The following CCDC91 variants were observed in gnomAD, a reference collection of about 807,000 sequenced individuals.
CCDC91 encodes the protein coiled-coil domain containing 91, also known as coiled-coil domain-containing protein 91.
Under a neutral mutation model 63.2 loss-of-function variants are expected in CCDC91, and 48 were observed. That is an observed-to-expected ratio of 0.76 (90% confidence interval 0.60 to 0.97). CCDC91 has a LOEUF of 0.97. Among genes scored for constraint, CCDC91 ranks in the 50% least tolerant of loss-of-function variants. CCDC91 has a pLI of 0.00. For missense variants in CCDC91, 500 were observed against 494.6 expected, an observed-to-expected ratio of 1.01 and a Z score of -0.10; for synonymous variants, 167 against 165.8, an observed-to-expected ratio of 1.01 and a Z score of -0.06.
intron 7 of CCDC91, among the ~76,000 whole-genome samples, chr12:28,375,675 T>C (rs1246184384): frequency 6.6e-6 from 1 of 152,074 alleles, no homozygotes; most frequent in South Asian, 2.1e-4. Flanking sequence ...GTAAAATTAA[T>C]GTACATCTTG....
intron 8 of CCDC91, among the ~76,000 whole-genome samples, chr12:28,429,962 G>T (rs1948542037): frequency 6.6e-6 from 1 of 151,928 alleles, no homozygotes; most frequent in Admixed American, 6.6e-5. Flanking sequence ...GTGATTTTGA[G>T]TCACTTCATT....
intron 1 of CCDC91, among the ~76,000 whole-genome samples, chr12:28,201,111 G>A (rs2596552): frequency 8.7e-5 from 13 of 149,468 alleles, no homozygotes; most frequent in Middle Eastern, 3.5e-3. Flanking sequence ...CGGACGGGGC[G>A]GCTGGCCGGG....
chr12:28,541,139 A>G (rs1383694518), intron 12 of CCDC91, among the ~76,000 whole-genome samples: 1 of 152,140 alleles, frequency 6.6e-6, no homozygotes, highest in Non-Finnish European at 1.5e-5. Flanking sequence ...AGGTTTTGGG[A>G]TGCTTTGTTG....
In CCDC91 at chr12:28,493,747, A is replaced by C. The variant is rs539527292; in HGVS notation, c.1215+9582A>C. ...AACTAAAATAATAATAAAATACTGA[A>C]GGTATCTCTTATAAAAACAAAAATG... On this transcript the variant is annotated intron_variant, in intron 12 of 12. Coordinates refer to ENST00000536442, the MANE Select transcript of CCDC91 (RefSeq NM_018318.5). 2.0e-5 allele frequency among the ~76,000 whole-genome samples: 3 copies of C among 151,848 alleles called. No individual in the cohort carries two copies. The East Asian group carries it at 5.8e-4, about 29-fold the overall frequency.
At chr12:28,269,310 T>A (rs1355377578) in intron 3 of CCDC91, among the ~76,000 whole-genome samples, 1 of 152,074 alleles carries the variant, frequency 6.6e-6, no homozygotes, top group East Asian at 1.9e-4. Flanking sequence ...GTACCATGAT[T>A]TCTTGAGATT....
chr12:28,267,453 T>C (rs1947265231), intron 3 of CCDC91, among the ~76,000 whole-genome samples: 1 of 150,938 alleles, frequency 6.6e-6, no homozygotes, highest in African/African-American at 2.4e-5. Context: ...AGACCTGTAG[T>C]GAATATTCTT....
chr12:28,418,012 A>G (rs984654209), intron 8 of CCDC91, among the ~76,000 whole-genome samples: 4 of 152,140 alleles, frequency 2.6e-5, no homozygotes, highest in Non-Finnish European at 4.4e-5. Context: ...TTATGAATAA[A>G]TCTGCAATAA....
At chr12:28,484,348 C>A in intron 12 of CCDC91, 183 bp downstream of exon 12, 1 of 321,176 alleles carries the variant, frequency 3.1e-6, no homozygotes, top group Non-Finnish European at 5.7e-6. Context: ...AACATAAATC[C>A]CATCTGTCAG....
At chr12:28,292,145 A>C (rs1949288969) in intron 3 of CCDC91, among the ~76,000 whole-genome samples, 1 of 152,248 alleles carries the variant, frequency 6.6e-6, no homozygotes, top group African/African-American at 2.4e-5. Flanking sequence ...AATAAACAGC[A>C]GGTAATATGT....
chr12:28,254,771 GCTT>G (rs1946334080), intron 1 of CCDC91, among the ~76,000 whole-genome samples: 1 of 124,238 alleles, frequency 8.0e-6, no homozygotes. Context: ...AGTATCATCT[GCTT>G]TTTTTTTTTT....
intron 8 of CCDC91, among the ~76,000 whole-genome samples, chr12:28,408,550 A>G (rs1947114640): frequency 6.6e-6 from 1 of 152,138 alleles, no homozygotes; most frequent in South Asian, 2.1e-4. Flanking sequence ...AGGGATGATG[A>G]GCTTTGTTTC....
chr12:28,327,636 C>G (rs184431697), intron 6 of CCDC91, among the ~76,000 whole-genome samples: 1 of 152,060 alleles, frequency 6.6e-6, no homozygotes, highest in South Asian at 2.1e-4. Flanking sequence ...TTTCTTTTGC[C>G]TATTAAACCT....
At chr12:28,233,970 C>T (rs1944768992) in intron 1 of CCDC91, among the ~76,000 whole-genome samples, 2 of 152,064 alleles carry the variant, frequency 1.3e-5, no homozygotes, top group African/African-American at 4.8e-5. Flanking sequence ...GTGTACAGTT[C>T]AGTGGCATTA....
At chr12:28,457,962 T>A (rs1025307612) in intron 11 of CCDC91, among the ~76,000 whole-genome samples, 1 of 152,122 alleles carries the variant, frequency 6.6e-6, no homozygotes, top group Non-Finnish European at 1.5e-5. Flanking sequence ...AAACTATGTC[T>A]GACGTTGGAA....
chr12:28,479,725 A>T (rs1170000501), intron 11 of CCDC91, among the ~76,000 whole-genome samples: 2 of 152,168 alleles, frequency 1.3e-5, no homozygotes, highest in Middle Eastern at 3.4e-3. Flanking sequence ...GGCTGTGGAC[A>T]TAGGATCATA....
chr12:28,349,236 T>C (rs567307247), intron 6 of CCDC91, among the ~76,000 whole-genome samples: 2 of 152,320 alleles, frequency 1.3e-5, no homozygotes, highest in African/African-American at 4.8e-5. Flanking sequence ...TTTTCTGTTA[T>C]TGTCTGATGA....
chr12:28,247,479 CAAAA>C (rs71039885), intron 1 of CCDC91, among the ~76,000 whole-genome samples: 2 of 91,970 alleles, frequency 2.2e-5, no homozygotes, highest in African/African-American at 3.8e-5. Flanking sequence ...GACTCCGTCT[CAAAA>C]AAAAAAAAAA....
chr12:28,329,358 C>T (rs768633081), intron 6 of CCDC91, among the ~76,000 whole-genome samples: 10 of 152,126 alleles, frequency 6.6e-5, no homozygotes, highest in African/African-American at 2.4e-4. Flanking sequence ...CTTCCTTTTG[C>T]ATCCTTGGCA....
rs1941490645 is a variant in CCDC91 at position 28,193,822 on chromosome 12, G to T, written c.-15+3181G>T. 2.0e-5 allele frequency among the ~76,000 whole-genome samples: 3 copies of T among 151,944 alleles called. No homozygotes were observed. The South Asian group carries it at 6.2e-4, about 32-fold the overall frequency. On this transcript the variant is annotated intron_variant, in intron 1 of 12. Transcript: ENST00000536442. ...TCTAACATATTGAGCGTCTTTTCCTGTGCTATTATTTGCCATCTGTGTATC... is the reference window on the plus strand; with the variant it reads ...TCTAACATATTGAGCGTCTTTTCCTTTGCTATTATTTGCCATCTGTGTATC...
Sources: gnomAD v4.1 joint callset for allele counts (sites outside exome capture counted in the v4.1 genomes callset) on GRCh38, gnomAD v4.1.1 for gene constraint, MANE v1.5 for transcripts, NCBI Gene and HGNC (gene_info 2026-07-23, HGNC 2026-07-21) for gene names.